Variants in IFTAP observed in about 807,000 individuals in gnomAD.
The protein encoded by IFTAP is intraflagellar transport-associated protein.
In IFTAP, 19 loss-of-function variants were observed where a neutral mutation model predicts 19.4. The ratio of observed to expected loss-of-function variants is 0.98; its 90% confidence interval spans 0.68 to 1.44. The LOEUF (loss-of-function observed/expected upper bound fraction) is 1.44, where lower values mean the gene tolerates loss of function less well. Among genes scored for constraint, IFTAP ranks in the 40% most tolerant of loss-of-function variants. The probability of loss-of-function intolerance (pLI) is 0.00; values close to 1 mark genes in which losing one functional copy is unlikely to be tolerated. For synonymous variants in IFTAP, 85 were observed against 83.5 expected, an observed-to-expected ratio of 1.02 and a Z score of -0.10; for missense variants, 240 against 253.6, an observed-to-expected ratio of 0.95 and a Z score of 0.36.
intron 4 of IFTAP, among the ~76,000 whole-genome samples, chr11:36,642,401 G>C (rs1853255441): frequency 6.6e-6 from 1 of 152,154 alleles, no homozygotes; most frequent in Non-Finnish European, 1.5e-5. Flanking sequence ...GGACCAGACA[G>C]ATTCACAGCC....
chr11:36,599,186 G>T lies in IFTAP; in HGVS notation c.-24+4594G>T, dbSNP rs537363693. ...TTTTTGTATTTTTAGTGGAGATGGG[G>T]TTTTGCCATGTTGGCCAGGCTGGTC... On this transcript the variant is annotated intron_variant, in intron 1 of 5. Transcript: ENST00000334307. Among the ~76,000 whole-genome samples the T allele has an allele frequency of 8.6e-4, 131 of 152,240 alleles. 1 individual carries two copies. The highest frequency in any genetic ancestry group is 2.9e-3 in the African/African-American group (120 of 41,532).
At position 36,595,815 on chromosome 11, in the gene IFTAP, G is replaced by A. The variant is rs1363345362; in HGVS notation, c.-24+1223G>A. Among the ~76,000 whole-genome samples the A allele has an allele frequency of 2.6e-5, 4 of 152,258 alleles. No individual in the cohort carries two copies. In the East Asian group the frequency reaches 7.7e-4, roughly 29 times the overall value. On this transcript the variant is annotated intron_variant, in intron 1 of 5. Transcript: ENST00000334307. ...AGGTCTAGTGCATACGCACCTGCCA[G>A]TAATGGCAGTTGATAAGGTTGGAGA...
At chr11:36,647,525 T>G (rs1220876653) in intron 4 of IFTAP, among the ~76,000 whole-genome samples, 1 of 152,154 alleles carries the variant, frequency 6.6e-6, no homozygotes, top group African/African-American at 2.4e-5. Context: ...GACAGAATAT[T>G]TCACTTTTCT....
chr11:36,624,812 A>T (rs928112349), intron 2 of IFTAP, among the ~76,000 whole-genome samples: 42 of 151,850 alleles, frequency 2.8e-4, no homozygotes, highest in Non-Finnish European at 3.5e-4. Context: ...GAAAGATAGA[A>T]GCCTGGGTCA....
rs570109575 is a variant in IFTAP, at chr11:36,636,061, T to G, written c.302T>G (p.Phe101Cys). ...AATTCTTTTTTCTAGGTAGATAATT[T>G]CCTAGATTTAGAAGATTTGGACATG... ...SQCLEEQVDN[F>C]LDLEDLDMDE... Residue 101 changes from phenylalanine to cysteine, a missense_variant, in exon 4 of 6, where the codon TTC becomes TGC. Transcript: ENST00000334307. The G allele has an allele frequency of 1.2e-6, 2 of 1,600,928 alleles. No homozygotes were observed. The highest frequency in any genetic ancestry group is 1.7e-5 in the Admixed American group (1 of 59,968).
intron 4 of IFTAP, among the ~76,000 whole-genome samples, chr11:36,644,977 A>G (rs1464962383): frequency 6.7e-6 from 1 of 149,206 alleles, no homozygotes; most frequent in Non-Finnish European, 1.5e-5. Flanking sequence ...GTGCACATGT[A>G]CCCTAGAATT....
In IFTAP at chr11:36,613,857, T is replaced by A. The variant is rs540549487; in HGVS notation, c.136+3618T>A. On this transcript the variant is annotated intron_variant, in intron 2 of 5. Coordinates refer to ENST00000334307, the MANE Select transcript of IFTAP (RefSeq NM_138787.4). ...TTAAACACTACGTCTTCAAGACGAA[T>A]ATGTAGCCTTGTTTTAGTAAAGTTT... Among the ~76,000 whole-genome samples, 62 of 152,204 alleles carry A rather than the reference T, an allele frequency of 4.1e-4. 1 individual carries two copies. The highest frequency in any genetic ancestry group is 7.2e-4 in the Non-Finnish European group (49 of 67,982).
At chr11:36,606,906 T>C (rs1851714038) in intron 1 of IFTAP, among the ~76,000 whole-genome samples, 1 of 152,260 alleles carries the variant, frequency 6.6e-6, no homozygotes, top group African/African-American at 2.4e-5. Flanking sequence ...TTATTTACTG[T>C]CTAGCTACTG....
At chr11:36,596,695 C>T (rs11033704) in intron 1 of IFTAP, among the ~76,000 whole-genome samples, 3,417 of 152,228 alleles carry the variant, frequency 0.022, 126 homozygotes, top group African/African-American at 0.077. Context: ...TTTCAAACAC[C>T]TGTGATGACT....
At chr11:36,635,994 C>T (rs1852933983) in intron 3 of IFTAP, 57 bp from the exon 4 acceptor site, 4 of 1,171,566 alleles carry the variant, frequency 3.4e-6, no homozygotes, top group South Asian at 1.3e-5. Context: ...TGACTTTTCA[C>T]TGCAGTTTTT....
intron 1 of IFTAP, among the ~76,000 whole-genome samples, chr11:36,605,149 A>G (rs1851645743): frequency 1.3e-5 from 2 of 152,088 alleles, no homozygotes; most frequent in South Asian, 4.1e-4. Context: ...CAAAGTGATA[A>G]TATTTTGATA....
chr11:36,650,584 C>A, intron 5 of IFTAP, among the ~76,000 whole-genome samples: 1 of 144,658 alleles, frequency 6.9e-6, no homozygotes, highest in Admixed American at 7.0e-5. Context: ...TTTTATTATA[C>A]TTTAAGTTCT....
intron 3 of IFTAP, among the ~76,000 whole-genome samples, chr11:36,635,734 G>A (rs962634959): frequency 6.6e-6 from 1 of 152,192 alleles, no homozygotes; most frequent in Admixed American, 6.5e-5. Context: ...TGTCATGGTG[G>A]TGGTATATAT....
intron 1 of IFTAP, among the ~76,000 whole-genome samples, chr11:36,609,662 CA>C (rs906018653): frequency 6.6e-6 from 1 of 151,966 alleles, no homozygotes; most frequent in African/African-American, 2.4e-5. Flanking sequence ...AGATAACTAA[CA>C]AAAAAATTGC....
chr11:36,625,149 T>C (rs1159257230), intron 2 of IFTAP, among the ~76,000 whole-genome samples: 1 of 152,160 alleles, frequency 6.6e-6, no homozygotes, highest in Non-Finnish European at 1.5e-5. Context: ...CTTGGGAAAC[T>C]TACTTAACAT....
At chr11:36,596,212 T>G (rs562350950) in intron 1 of IFTAP, among the ~76,000 whole-genome samples, 4 of 125,784 alleles carry the variant, frequency 3.2e-5, no homozygotes, top group Admixed American at 8.1e-5. Flanking sequence ...GATGGTAGTG[T>G]TTTTTTTTTG....
chr11:36,645,594 G>GAA (rs774484038), intron 4 of IFTAP, among the ~76,000 whole-genome samples: 136 of 151,890 alleles, frequency 9.0e-4, no homozygotes, highest in Non-Finnish European at 1.6e-3. Flanking sequence ...GAGAATATGA[G>GAA]TATATATATA....
At chr11:36,634,176 T>C (rs1190717063) in intron 3 of IFTAP, among the ~76,000 whole-genome samples, 2 of 152,156 alleles carry the variant, frequency 1.3e-5, no homozygotes, top group Non-Finnish European at 2.9e-5. Context: ...CACTCTTTAC[T>C]GGCAATGACT....
chr11:36,598,151 C>G (rs1851354466), intron 1 of IFTAP: 2 of 152,084 alleles, frequency 1.3e-5, no homozygotes, highest in Admixed American at 1.3e-4. Flanking sequence ...TGCCGCTAAA[C>G]CAGGTATTAA....
Sources: allele counts gnomAD v4.1 joint callset (sites outside exome capture counted in the v4.1 genomes callset), GRCh38; gene constraint gnomAD v4.1.1; transcripts MANE v1.5; gene names NCBI Gene and HGNC (gene_info 2026-07-23, HGNC 2026-07-21).